RNLS: variants seen among roughly 807,000 people sequenced by gnomAD.
The protein encoded by RNLS is renalase, FAD dependent amine oxidase.
A neutral mutation model predicts 39.8 loss-of-function variants in RNLS; 39 were observed. That is an observed-to-expected ratio of 0.98 (90% confidence interval 0.76 to 1.28). The LOEUF (loss-of-function observed/expected upper bound fraction) is 1.28, where lower values mean the gene tolerates loss of function less well. Among genes scored for constraint, RNLS ranks in the 50% most tolerant of loss-of-function variants. The pLI is 0.00. For synonymous variants in RNLS, 147 were observed against 150.7 expected (o/e 0.98, Z 0.18); for missense variants, 410 against 413.3 (o/e 0.99, Z 0.07).
At chr10:88,378,637 G>A (rs1851216338) in intron 4 of RNLS, among the ~76,000 whole-genome samples, 3 of 152,188 alleles carry the variant, frequency 2.0e-5, no homozygotes, top group Admixed American at 2.0e-4. Context: ...AGAAAGGCCA[G>A]GAAGAATCTA....
chr10:88,415,527 T>A (rs1291642651), intron 4 of RNLS, among the ~76,000 whole-genome samples: 1 of 152,204 alleles, frequency 6.6e-6, no homozygotes, highest in East Asian at 1.9e-4. Flanking sequence ...GTGACACTGG[T>A]TTGTGTATCT....
intron 5 of RNLS, among the ~76,000 whole-genome samples, chr10:88,324,479 T>C (rs1389232367): frequency 6.6e-6 from 1 of 151,242 alleles, no homozygotes; most frequent in African/African-American, 2.4e-5. Context: ...TATTTTCACT[T>C]ATAAGTAAGA....
At chr10:88,209,566 C>T in the RNLS span, among the ~76,000 whole-genome samples, 1 of 152,136 alleles carries the variant, frequency 6.6e-6, no homozygotes, top group Non-Finnish European at 1.5e-5. Context: ...TTACTAACTT[C>T]CAGAATTGTG....
At chr10:88,579,510 G>T (rs1275568020) in intron 3 of RNLS, among the ~76,000 whole-genome samples, 1 of 152,186 alleles carries the variant, frequency 6.6e-6, no homozygotes, top group East Asian at 1.9e-4. Context: ...GAGGGCAGGA[G>T]AAGGTCAGAG....
At chr10:88,575,664 CTA>C (rs2134465590) in intron 3 of RNLS, among the ~76,000 whole-genome samples, 2 of 152,160 alleles carry the variant, frequency 1.3e-5, no homozygotes, top group East Asian at 3.9e-4. Context: ...TTCACAAAGA[CTA>C]TGTGTTTAAA....
At chr10:88,437,637 T>G (rs1396999331) in intron 4 of RNLS, among the ~76,000 whole-genome samples, 1 of 152,174 alleles carries the variant, frequency 6.6e-6, no homozygotes, top group African/African-American at 2.4e-5. Context: ...ATTAACCCTA[T>G]GTAACTCATG....
At chr10:88,221,983 T>C in the RNLS span, among the ~76,000 whole-genome samples, 1 of 152,170 alleles carries the variant, frequency 6.6e-6, no homozygotes, top group East Asian at 1.9e-4. Context: ...CTGCCTGAGG[T>C]GAATGCATGC....
chr10:88,544,981 A>G (rs999870116), intron 4 of RNLS, among the ~76,000 whole-genome samples: 1 of 152,188 alleles, frequency 6.6e-6, no homozygotes, highest in African/African-American at 2.4e-5. Flanking sequence ...CCGCTGGGAT[A>G]ATCACATTTG....
intron 4 of RNLS, among the ~76,000 whole-genome samples, chr10:88,525,628 T>A (rs1847063468): frequency 6.6e-6 from 1 of 152,112 alleles, no homozygotes; most frequent in African/African-American, 2.4e-5. Context: ...CCTCATATCT[T>A]CCAGACCACA....
At chr10:88,394,805 CAATGATAGACTGGATTAAG>C (rs1377661957) in intron 4 of RNLS, among the ~76,000 whole-genome samples, 2 of 152,158 alleles carry the variant, frequency 1.3e-5, no homozygotes, top group African/African-American at 4.8e-5. Context: ...AAATGTCCAA[CAATGATAGACTGGATTAAG>C]AAAATGTGGC....
the RNLS span, among the ~76,000 whole-genome samples, chr10:88,210,173 G>A: frequency 2.9e-3 from 436 of 152,278 alleles, 2 homozygotes; most frequent in African/African-American, 0.01. Flanking sequence ...TATATTATAT[G>A]GGATTCTTTG....
chr10:88,429,662 G>A (rs1430340541), intron 4 of RNLS, among the ~76,000 whole-genome samples: 2 of 151,734 alleles, frequency 1.3e-5, no homozygotes, highest in African/African-American at 4.8e-5. Flanking sequence ...TTATATTTAG[G>A]CCTGTGATTC....
At chr10:88,229,829 A>T in the RNLS span, among the ~76,000 whole-genome samples, 27 of 151,990 alleles carry the variant, frequency 1.8e-4, no homozygotes, top group African/African-American at 5.1e-4. Flanking sequence ...TCATTGTTGT[A>T]CTGTGAATCA....
At chr10:88,408,717 T>G (rs572604282) in intron 4 of RNLS, among the ~76,000 whole-genome samples, 10 of 152,292 alleles carry the variant, frequency 6.6e-5, no homozygotes, top group African/African-American at 2.4e-4. Flanking sequence ...AACTTCTTTG[T>G]TTCAAGCATA....
At chr10:88,241,353 T>G in the RNLS span, among the ~76,000 whole-genome samples, 1 of 152,180 alleles carries the variant, frequency 6.6e-6, no homozygotes, top group African/African-American at 2.4e-5. Context: ...GTTTATTTAA[T>G]GTCAATTTCT....
At chr10:88,298,433 A>G (rs1437620503) in intron 6 of RNLS, among the ~76,000 whole-genome samples, 2 of 152,178 alleles carry the variant, frequency 1.3e-5, no homozygotes, top group Non-Finnish European at 2.9e-5. Flanking sequence ...AAGATTTACC[A>G]GTATGTTTTC....
intron 4 of RNLS, among the ~76,000 whole-genome samples, chr10:88,366,595 A>G (rs112382564): frequency 8.0e-5 from 12 of 150,916 alleles, no homozygotes; most frequent in African/African-American, 2.7e-4. Context: ...CCTGATCACC[A>G]AACCAAAACC....
chr10:88,197,447 T>C, the RNLS span, among the ~76,000 whole-genome samples: 2 of 152,136 alleles, frequency 1.3e-5, no homozygotes, highest in African/African-American at 4.8e-5. Context: ...TCCTTCCCTA[T>C]TCCCTACTCA....
At chr10:88,458,519 TCTG>T (rs1432364734) in intron 4 of RNLS, among the ~76,000 whole-genome samples, 19 of 152,226 alleles carry the variant, frequency 1.2e-4, no homozygotes, top group Admixed American at 2.6e-4. Context: ...TTCTGCATTC[TCTG>T]CTGAATTCTT....
Sources: allele counts gnomAD v4.1 joint callset (sites outside exome capture counted in the v4.1 genomes callset), GRCh38; gene constraint gnomAD v4.1.1; transcripts MANE v1.5; gene names NCBI Gene and HGNC (gene_info 2026-07-23, HGNC 2026-07-21).